Variants in PIEZO2 observed in about 807,000 individuals in gnomAD.
PIEZO2 encodes the protein piezo-type mechanosensitive ion channel component 2.
In PIEZO2, 172 loss-of-function variants were observed where a neutral mutation model predicts 337.3. That is an observed-to-expected ratio of 0.51 (90% CI 0.45 to 0.58). The LOEUF (loss-of-function observed/expected upper bound fraction) is 0.58. PIEZO2 is among the 20% of genes least tolerant of loss of function. PIEZO2 has a pLI of 0.00. For missense variants in PIEZO2, 3,028 were observed against 3,391.3 expected (o/e 0.89, Z 2.66); for synonymous variants, 1,251 against 1,228.5 (o/e 1.02, Z -0.38).
chr18:10,918,676 C>T (rs1465614328), intron 3 of PIEZO2, among the ~76,000 whole-genome samples: 1 of 151,888 alleles, frequency 6.6e-6, no homozygotes, highest in African/African-American at 2.4e-5. Flanking sequence ...TTTATTTTTG[C>T]ATAGACTCCC....
In PIEZO2 at chr18:10,795,106, C is replaced by G; in HGVS notation, c.1528-104G>C. ...TCTAAAAAGAAAAGGTCATAATATT[C>G]AAACCAGGGAGAGTAGAGAGTTGTG... On this transcript the variant is annotated intron_variant, in intron 12 of 55. Coordinates refer to ENST00000674853, the MANE Select transcript of PIEZO2 (RefSeq NM_001378183.1). This position sits in a 1 kb window ranked among gnomAD's most constrained non-coding sequence, Gnocchi z 4.4. 1.0e-6 allele frequency: 1 copy of G among 987,214 alleles called. No homozygotes were observed. The highest frequency in any genetic ancestry group is 1.5e-6 in the Non-Finnish European group (1 of 671,576). The allele number at this position is 987,214 out of a possible 1,614,324, so 61.2% of individuals were successfully genotyped here. A position where few individuals can be genotyped will look rare whatever the true frequency, so the allele number is the denominator to read the frequency against.
At chr18:10,849,097 T>A (rs534042996) in intron 7 of PIEZO2, among the ~76,000 whole-genome samples, 3 of 152,274 alleles carry the variant, frequency 2.0e-5, no homozygotes, top group Admixed American at 2.0e-4. Flanking sequence ...ACCTCTGCAA[T>A]CTCTGCCTCC....
intron 1 of PIEZO2, among the ~76,000 whole-genome samples, chr18:11,068,575 A>AT (rs1325701913): frequency 1.3e-5 from 2 of 152,098 alleles, no homozygotes; most frequent in Non-Finnish European, 2.9e-5. Flanking sequence ...AAATGCTTAC[A>AT]TAAAAAAAAA....
intron 4 of PIEZO2, among the ~76,000 whole-genome samples, chr18:10,910,371 T>C (rs1413839186): frequency 6.6e-6 from 1 of 152,112 alleles, no homozygotes; most frequent in African/African-American, 2.4e-5. Flanking sequence ...TCACCTGAGG[T>C]CAGGAGTACA....
At position 10,676,214 on chromosome 18, in the gene PIEZO2, C is replaced by G. The variant is rs1598342265; in HGVS notation, c.8082-926G>C. ...TGGGAGGTGATAGGAGAGGATCTGACAGTCTCCAAGGGCCCTTCAACTTTA... is the reference window on the plus strand; with the variant it reads ...TGGGAGGTGATAGGAGAGGATCTGAGAGTCTCCAAGGGCCCTTCAACTTTA... On this transcript the variant is annotated intron_variant, in intron 53 of 55. Transcript: ENST00000674853. The surrounding 1 kb of genome is among the most constrained non-coding windows in gnomAD (Gnocchi z 5.1). Among the ~76,000 whole-genome samples, 1 of 152,276 alleles carries G rather than the reference C, an allele frequency of 6.6e-6. No homozygotes were observed. The highest frequency in any genetic ancestry group is 1.9e-4 in the East Asian group (1 of 5,194).
chr18:11,049,772 G>A (rs374030086), intron 2 of PIEZO2, among the ~76,000 whole-genome samples: 23 of 151,866 alleles, frequency 1.5e-4, no homozygotes, highest in East Asian at 3.9e-4. Flanking sequence ...CATGCCTTTC[G>A]CCTCCCACCA....
At chr18:10,935,210 CT>C (rs780973167) in intron 3 of PIEZO2, among the ~76,000 whole-genome samples, 8 of 152,126 alleles carry the variant, frequency 5.3e-5, no homozygotes, top group Non-Finnish European at 1.2e-4. Context: ...GGAAAGTATG[CT>C]GTGGGAGACC....
chr18:10,860,579 C>A (rs568673880), intron 5 of PIEZO2, among the ~76,000 whole-genome samples: 1 of 152,272 alleles, frequency 6.6e-6, no homozygotes, highest in Admixed American at 6.5e-5. Flanking sequence ...CTTCTTTCCC[C>A]ATCACAACAG....
chr18:11,126,421 C>T lies in PIEZO2; in HGVS notation c.64+22104G>A, dbSNP rs556931590. 6.6e-6 allele frequency among the ~76,000 whole-genome samples: 1 copy of T among 152,258 alleles called. No individual in the cohort carries two copies. Among genetic ancestry groups the T allele is most frequent in the South Asian group, 2.1e-4 (1 of 4,820 alleles). ...GTGATGACTGTTCCATCTTACTGTCCCCTAGGCCTGGTAAAGGGCACTCCT... is the reference window on the plus strand; with the variant it reads ...GTGATGACTGTTCCATCTTACTGTCTCCTAGGCCTGGTAAAGGGCACTCCT... On this transcript the variant is annotated intron_variant, in intron 1 of 55. Coordinates refer to ENST00000674853, the MANE Select transcript of PIEZO2 (RefSeq NM_001378183.1). The surrounding 1 kb of genome is among the most constrained non-coding windows in gnomAD (Gnocchi z 4.6).
At chr18:11,029,727 C>A (rs1474537112) in intron 2 of PIEZO2, among the ~76,000 whole-genome samples, 4 of 152,140 alleles carry the variant, frequency 2.6e-5, no homozygotes, top group Admixed American at 6.5e-5. Context: ...ATCCTCTCTG[C>A]CTTGAGGACC....
intron 1 of PIEZO2, among the ~76,000 whole-genome samples, chr18:11,081,399 C>T (rs2038735409): frequency 6.6e-6 from 1 of 152,164 alleles, no homozygotes; most frequent in Non-Finnish European, 1.5e-5. Flanking sequence ...AAGAGGAAAT[C>T]AAAATTGTAA....
intron 54 of PIEZO2, among the ~76,000 whole-genome samples, chr18:10,674,902 T>C (rs1462470963): frequency 6.6e-6 from 1 of 152,252 alleles, no homozygotes; most frequent in African/African-American, 2.4e-5. Flanking sequence ...GGCAGTTTCC[T>C]GTCAGTAATC....
intron 16 of PIEZO2, among the ~76,000 whole-genome samples, chr18:10,786,701 TG>T (rs1317449182): frequency 6.6e-6 from 1 of 152,254 alleles, no homozygotes; most frequent in African/African-American, 2.4e-5. Flanking sequence ...TGCTACTTTA[TG>T]TTATAAGTGC....
At position 10,982,619 on chromosome 18, in the gene PIEZO2, A is replaced by G. The variant is rs1006088928; in HGVS notation, c.161-2959T>C. Among the ~76,000 whole-genome samples the G allele has an allele frequency of 3.3e-5, 5 of 152,222 alleles. No homozygotes were observed. Among genetic ancestry groups the G allele is most frequent in the African/African-American group, 9.6e-5 (4 of 41,466 alleles). On this transcript the variant is annotated intron_variant, in intron 2 of 55. Coordinates refer to ENST00000674853, the MANE Select transcript of PIEZO2 (RefSeq NM_001378183.1). The surrounding 1 kb of genome is among the most constrained non-coding windows in gnomAD (Gnocchi z 4.1). ...TTAAAAATACATTTGGAAAAATAAG[A>G]CTGAATTGCCATGTAAATTTTGAAA...
At chr18:10,919,223 T>G (rs1482599202) in intron 3 of PIEZO2, among the ~76,000 whole-genome samples, 1 of 152,224 alleles carries the variant, frequency 6.6e-6, no homozygotes, top group East Asian at 1.9e-4. Context: ...CATTGTCTAT[T>G]AGATGTTTGT....
chr18:11,096,121 G>T lies in PIEZO2; in HGVS notation c.65-29899C>A, dbSNP rs1049145246. 6.6e-6 allele frequency among the ~76,000 whole-genome samples: 1 copy of T among 152,186 alleles called. No homozygotes were observed. Among genetic ancestry groups the T allele is most frequent in the Non-Finnish European group, 1.5e-5 (1 of 68,032 alleles). On this transcript the variant is annotated intron_variant, in intron 1 of 55. Transcript: ENST00000674853. This position sits in a 1 kb window ranked among gnomAD's most constrained non-coding sequence, Gnocchi z 4.6. ...AGTGAGGCTTCCATTCTCTAAGCCG[G>T]TCCACATGGAGCCCTCACTCTGTTG...
At position 10,942,678 on chromosome 18, in the gene PIEZO2, G is replaced by A. The variant is rs575300147; in HGVS notation, c.287-31450C>T. ...AATAAAAAAGAAAATCCCATTTTCT[G>A]TGGAGAAAATCAAGCCACCTGCAGA... On this transcript the variant is annotated intron_variant, in intron 3 of 55. Transcript: ENST00000674853. The surrounding 1 kb of genome is among the most constrained non-coding windows in gnomAD (Gnocchi z 4.4). 6.6e-6 allele frequency among the ~76,000 whole-genome samples: 1 copy of A among 152,232 alleles called. No individual in the cohort carries two copies. Among genetic ancestry groups the A allele is most frequent in the Non-Finnish European group, 1.5e-5 (1 of 68,046 alleles).
At chr18:10,897,469 G>C (rs151210852) in intron 4 of PIEZO2, among the ~76,000 whole-genome samples, 1 of 152,156 alleles carries the variant, frequency 6.6e-6, no homozygotes. Context: ...GATTACAGGC[G>C]TGAGCCACCA....
In PIEZO2 at chr18:10,766,463, A is replaced by G. The variant is rs2038362311; in HGVS notation, c.2947-3365T>C. On this transcript the variant is annotated intron_variant, in intron 21 of 55. Coordinates refer to ENST00000674853, the MANE Select transcript of PIEZO2 (RefSeq NM_001378183.1). This position sits in a 1 kb window ranked among gnomAD's most constrained non-coding sequence, Gnocchi z 6.1. ...GTCCAGGTGATTCTTACTATCAAGG[A>G]TTTTGAGAAACAGTTTTATGCAATA... Among the ~76,000 whole-genome samples the G allele has an allele frequency of 6.6e-6, 1 of 152,198 alleles. No homozygotes were observed. The highest frequency in any genetic ancestry group is 6.5e-5 in the Admixed American group (1 of 15,286).
Sources: gnomAD v4.1 joint callset for allele counts (sites outside exome capture counted in the v4.1 genomes callset) on GRCh38, gnomAD v4.1.1 for gene constraint, Gnocchi (gnomAD v3.1) non-coding constraint, MANE v1.5 for transcripts, NCBI Gene and HGNC (gene_info 2026-07-23, HGNC 2026-07-21) for gene names.